Variants in OCM observed in about 807,000 individuals in gnomAD.
OCM encodes oncomodulin-1.
In OCM, 18 loss-of-function variants were observed where a neutral mutation model predicts 14.1. That is an observed-to-expected ratio of 1.28 (90% confidence interval 0.88 to 1.89). The LOEUF (loss-of-function observed/expected upper bound fraction) is 1.89, where lower values mean the gene tolerates loss of function less well. OCM is among the 40% of genes most tolerant of loss of function. The pLI is 0.00. For missense variants in OCM, 140 were observed against 137.6 expected (o/e 1.02, Z -0.09); for synonymous variants, 48 against 51.0 (o/e 0.94, Z 0.25).
At chr7:5,879,475 T>C (rs187862825), upstream of OCM, among the ~76,000 whole-genome samples, 346 of 152,204 alleles carry the variant, frequency 2.3e-3, 2 homozygotes, top group African/African-American at 7.9e-3. Flanking sequence ...GAGGTCAGCC[T>C]TACACACCCA....
Position 5,882,487 on chromosome 7 carries a change from C to T in OCM, c.62-6C>T. 2 of 1,613,950 alleles carry T rather than the reference C, an allele frequency of 1.2e-6. No homozygotes were observed. The highest frequency in any genetic ancestry group is 1.7e-6 in the Non-Finnish European group (2 of 1,179,872). ...GCGTCAGAATAACCAATTCTCTGTT[C>T]TTCAGACCCAGACACTTTTGAACCC... is the stretch of plus-strand genomic sequence containing the variant. On this transcript the variant is annotated splice_region_variant and splice_polypyrimidine_tract_variant and intron_variant, in intron 1 of 3. Coordinates refer to ENST00000242104, the MANE Select transcript of OCM (RefSeq NM_001097622.2).
the OCM span, among the ~76,000 whole-genome samples, chr7:5,860,756 GTATA>G: frequency 7.2e-6 from 1 of 138,168 alleles, no homozygotes; most frequent in Non-Finnish European, 1.6e-5. Context: ...ACATATATAC[GTATA>G]TATATATTCG....
upstream of OCM, among the ~76,000 whole-genome samples, chr7:5,876,696 C>T (rs571963093): frequency 1.1e-4 from 16 of 152,096 alleles, no homozygotes; most frequent in Admixed American, 3.3e-4. Context: ...GACACTAGGG[C>T]GTATACCATC....
the OCM span, among the ~76,000 whole-genome samples, chr7:5,873,773 G>A: frequency 5.9e-5 from 9 of 152,122 alleles, no homozygotes; most frequent in East Asian, 1.9e-4. Context: ...GGGTAGTGAC[G>A]GTGGCCCATG....
the OCM span, among the ~76,000 whole-genome samples, chr7:5,869,811 G>A: frequency 5.9e-5 from 9 of 152,080 alleles, no homozygotes; most frequent in Non-Finnish European, 1.2e-4. Flanking sequence ...CCTCTCGGAA[G>A]CACTCAACTT....
the OCM span, among the ~76,000 whole-genome samples, chr7:5,866,838 C>T: frequency 6.6e-6 from 1 of 152,144 alleles, no homozygotes; most frequent in Non-Finnish European, 1.5e-5. Context: ...TGGAGGTTGG[C>T]ACTGGTTACC....
chr7:5,882,085 C>CAAAAAAAA (rs60321561), intron 1 of OCM, among the ~76,000 whole-genome samples: 6 of 45,970 alleles, frequency 1.3e-4, no homozygotes, highest in East Asian at 9.9e-4. Flanking sequence ...GACTCTGTCT[C>CAAAAAAAA]AAAAAAAAAA....
intron 3 of OCM, among the ~76,000 whole-genome samples, chr7:5,885,262 C>T (rs1323476968): frequency 6.6e-6 from 1 of 152,134 alleles, no homozygotes; most frequent in East Asian, 1.9e-4. Context: ...CTTTTAGTAA[C>T]AGAAACGTTT....
chr7:5,869,647 C>G, the OCM span, among the ~76,000 whole-genome samples: 1 of 152,012 alleles, frequency 6.6e-6, no homozygotes, highest in Admixed American at 6.6e-5. Flanking sequence ...CTGTATCCTC[C>G]CCTATGATCT....
chr7:5,864,197 G>C, the OCM span, among the ~76,000 whole-genome samples: 1 of 151,804 alleles, frequency 6.6e-6, no homozygotes, highest in Non-Finnish European at 1.5e-5. Context: ...GCATTAGCCA[G>C]GCATGGTGGT....
intron 3 of OCM, among the ~76,000 whole-genome samples, chr7:5,885,022 A>G (rs1781303924): frequency 6.6e-6 from 1 of 151,986 alleles, no homozygotes; most frequent in African/African-American, 2.4e-5. Flanking sequence ...CGGGAAGCTG[A>G]GGCAGGAGAA....
chr7:5,862,849 G>C, the OCM span, among the ~76,000 whole-genome samples: 1 of 152,046 alleles, frequency 6.6e-6, no homozygotes, highest in African/African-American at 2.4e-5. Flanking sequence ...TATGTAAAAT[G>C]TGGATTTACT....
upstream of OCM, among the ~76,000 whole-genome samples, chr7:5,878,659 A>G (rs1427038322): frequency 6.6e-6 from 1 of 151,714 alleles, no homozygotes; most frequent in African/African-American, 2.4e-5. Flanking sequence ...AGGCAAGAGA[A>G]TGGCGTGAAC....
At chr7:5,881,858 C>T (rs1433952719) in intron 1 of OCM, among the ~76,000 whole-genome samples, 2 of 151,592 alleles carry the variant, frequency 1.3e-5, no homozygotes, top group Admixed American at 6.6e-5. Context: ...AGGCCGAGGC[C>T]GGTGCATCAC....
chr7:5,860,556 T>C, the OCM span, among the ~76,000 whole-genome samples: 2 of 104,776 alleles, frequency 1.9e-5, 1 homozygote, highest in Non-Finnish European at 3.8e-5. Flanking sequence ...TATATACGTG[T>C]ATATATACGT....
At chr7:5,868,438 C>T in the OCM span, among the ~76,000 whole-genome samples, 28 of 152,208 alleles carry the variant, frequency 1.8e-4, no homozygotes, top group African/African-American at 4.1e-4. Flanking sequence ...TGAGCCACCG[C>T]GCCCGGCCAC....
upstream of OCM, among the ~76,000 whole-genome samples, chr7:5,877,495 CAAAT>C (rs772661205): frequency 2.0e-5 from 3 of 151,614 alleles, no homozygotes; most frequent in Non-Finnish European, 4.4e-5. Context: ...GAAAAACAAA[CAAAT>C]AAAAAACATG....
the OCM span, among the ~76,000 whole-genome samples, chr7:5,866,338 G>A: frequency 7.8e-6 from 1 of 127,950 alleles, no homozygotes; most frequent in Non-Finnish European, 1.6e-5. Flanking sequence ...AGGAAGGAGT[G>A]GGGGGGAGAG....
At chr7:5,880,531 G>A (rs1456459133), upstream of OCM, among the ~76,000 whole-genome samples, 1 of 152,106 alleles carries the variant, frequency 6.6e-6, no homozygotes, top group Non-Finnish European at 1.5e-5. Flanking sequence ...GGCCAAGGCA[G>A]GCAGATCACC....
Sources: gnomAD v4.1 joint callset for allele counts (sites outside exome capture counted in the v4.1 genomes callset) on GRCh38, gnomAD v4.1.1 for gene constraint, MANE v1.5 for transcripts, NCBI Gene and HGNC (gene_info 2026-07-23, HGNC 2026-07-21) for gene names.